PTPRM: variants seen among roughly 807,000 people sequenced by gnomAD.
The protein encoded by PTPRM is receptor-type tyrosine-protein phosphatase mu.
Under a neutral mutation model 186.7 loss-of-function variants are expected in PTPRM, and 47 were observed. The observed-to-expected ratio is 0.25, with a 90% CI of 0.20 to 0.32. The LOEUF is 0.32. PTPRM is among the 10% of genes least tolerant of loss of function. The pLI is 1.00. For synonymous variants in PTPRM, 668 were observed against 674.9 expected, an observed-to-expected ratio of 0.99 and a Z score of 0.16; for missense variants, 1,494 against 1,865.0, an observed-to-expected ratio of 0.80 and a Z score of 3.66.
At chr18:7,647,517 A>G (rs1483808253) in intron 1 of PTPRM, among the ~76,000 whole-genome samples, 1 of 152,226 alleles carries the variant, frequency 6.6e-6, no homozygotes, top group East Asian at 1.9e-4. Context: ...ATGAAGATAC[A>G]GTTTCCTACA....
At chr18:7,849,907 A>G (rs2046782553) in intron 2 of PTPRM, among the ~76,000 whole-genome samples, 1 of 152,224 alleles carries the variant, frequency 6.6e-6, no homozygotes, top group Non-Finnish European at 1.5e-5. Flanking sequence ...TTATTTTAAT[A>G]CTAGTAATCA....
intron 2 of PTPRM, among the ~76,000 whole-genome samples, chr18:7,809,558 A>C (rs1395573127): frequency 6.6e-6 from 1 of 151,898 alleles, no homozygotes; most frequent in Non-Finnish European, 1.5e-5. Flanking sequence ...CTGCCTCTGT[A>C]GCTCCTCGGT....
chr18:7,669,009 A>G (rs2039158291), intron 1 of PTPRM, among the ~76,000 whole-genome samples: 1 of 152,050 alleles, frequency 6.6e-6, no homozygotes, highest in Admixed American at 6.6e-5. Flanking sequence ...GAATGAGTGA[A>G]TGACTGAGTT....
Position 7,806,406 on chromosome 18 carries a change from T to C in PTPRM, c.196+32135T>C, listed in dbSNP as rs199909419. On this transcript the variant is annotated intron_variant, in intron 2 of 32. Transcript: ENST00000580170. ...CTAGTCAGCAGACACAGAAACAAGATTAATCAATTACAGATAATAAACACT... is the reference window on the plus strand; with the variant it reads ...CTAGTCAGCAGACACAGAAACAAGACTAATCAATTACAGATAATAAACACT... Among the ~76,000 whole-genome samples, 6 of 152,106 alleles carry C rather than the reference T, an allele frequency of 3.9e-5. No homozygotes were observed. The East Asian group carries it at 9.7e-4, about 24-fold the overall frequency.
At chr18:8,263,202 G>A (rs1313271031) in intron 19 of PTPRM, among the ~76,000 whole-genome samples, 4 of 151,914 alleles carry the variant, frequency 2.6e-5, no homozygotes, top group African/African-American at 4.8e-5. Context: ...TCCATCTGCC[G>A]GGTTCAAGAG....
chr18:8,172,265 C>CTTTT (rs869079652), intron 14 of PTPRM, among the ~76,000 whole-genome samples: 1 of 137,830 alleles, frequency 7.3e-6, no homozygotes. Context: ...AAGTCTTGAC[C>CTTTT]TTTTTTTTTT....
intron 2 of PTPRM, among the ~76,000 whole-genome samples, chr18:7,837,404 C>T (rs1175585117): frequency 6.6e-6 from 1 of 152,082 alleles, no homozygotes; most frequent in Non-Finnish European, 1.5e-5. Flanking sequence ...TGATAGAATT[C>T]TGAATTCCTT....
intron 4 of PTPRM, among the ~76,000 whole-genome samples, chr18:7,913,685 CT>C (rs1380062212): frequency 9.2e-5 from 14 of 152,088 alleles, no homozygotes; most frequent in Admixed American, 7.9e-4. Context: ...GGTGTATAAT[CT>C]TTTTTAATAT....
chr18:7,779,478 A>C (rs79173716), intron 2 of PTPRM, among the ~76,000 whole-genome samples: 1,990 of 152,324 alleles, frequency 0.013, 45 homozygotes, highest in East Asian at 0.12. Flanking sequence ...TGACCCAGAA[A>C]ATAGAAAAAT....
At chr18:8,338,066 G>A (rs183650582) in intron 22 of PTPRM, among the ~76,000 whole-genome samples, 1 of 152,196 alleles carries the variant, frequency 6.6e-6, no homozygotes, top group East Asian at 1.9e-4. Flanking sequence ...TTGTCATGGT[G>A]GCTGGGGTTT....
chr18:8,199,118 T>G (rs935637449), intron 14 of PTPRM, among the ~76,000 whole-genome samples: 2 of 152,144 alleles, frequency 1.3e-5, no homozygotes, highest in African/African-American at 4.8e-5. Context: ...TTCATAATAA[T>G]AACACTGAAA....
rs555803916 is a variant in PTPRM, at chr18:7,764,110, T to C, written c.74-10039T>C. On this transcript the variant is annotated intron_variant, in intron 1 of 32. Coordinates refer to ENST00000580170, the MANE Select transcript of PTPRM (RefSeq NM_001105244.2). ...AATTTAAGCAAAAAATTCAACACTT[T>C]GATCCAGCCGTGCTATTCTGTTGTC... 2.0e-5 allele frequency among the ~76,000 whole-genome samples: 3 copies of C among 152,318 alleles called. No homozygotes were observed. The East Asian group carries it at 5.8e-4, about 29-fold the overall frequency.
intron 2 of PTPRM, among the ~76,000 whole-genome samples, chr18:7,861,767 TGA>T (rs138096586): frequency 1.4e-3 from 201 of 146,758 alleles, no homozygotes; most frequent in Middle Eastern, 3.5e-3. Flanking sequence ...TGTGTGTGTG[TGA>T]GAGAGAGAGA....
chr18:7,882,758 C>G (rs778426620), intron 2 of PTPRM, among the ~76,000 whole-genome samples: 2 of 152,182 alleles, frequency 1.3e-5, no homozygotes, highest in Admixed American at 6.5e-5. Flanking sequence ...CTCAAATACA[C>G]TTGGAAGAGA....
In PTPRM at chr18:8,193,427, A is replaced by G. The variant is rs182018723; in HGVS notation, c.2300+49648A>G. Among the ~76,000 whole-genome samples, 42 of 152,198 alleles carry G rather than the reference A, an allele frequency of 2.8e-4. No individual in the cohort carries two copies. In the East Asian group the frequency reaches 8.0e-3, roughly 29 times the overall value. ...TCTTCTTTCCAATTTTATACTTTCC[A>G]GTATAAAAGTCAACAAAATGTCTGT... is the stretch of plus-strand genomic sequence containing the variant. On this transcript the variant is annotated intron_variant, in intron 14 of 32. Transcript: ENST00000580170.
chr18:7,836,854 T>C (rs1016773900), intron 2 of PTPRM, among the ~76,000 whole-genome samples: 3 of 152,228 alleles, frequency 2.0e-5, no homozygotes, highest in African/African-American at 7.2e-5. Flanking sequence ...AAAAGTTTGC[T>C]GCCAGATGTA....
At chr18:7,608,698 G>C (rs376486404) in intron 1 of PTPRM, among the ~76,000 whole-genome samples, 1 of 152,138 alleles carries the variant, frequency 6.6e-6, no homozygotes, top group Non-Finnish European at 1.5e-5. Context: ...CCATTCTTGC[G>C]TCCCATTCTT....
At chr18:8,048,055 T>G (rs1040134255) in intron 7 of PTPRM, among the ~76,000 whole-genome samples, 1 of 152,164 alleles carries the variant, frequency 6.6e-6, no homozygotes, top group Non-Finnish European at 1.5e-5. Flanking sequence ...ACATCTACAT[T>G]GCCTTTGTAT....
chr18:7,889,333 C>CTTTTTTTTTTTTTTTTTTT (rs770886704), intron 3 of PTPRM, among the ~76,000 whole-genome samples: 1 of 119,858 alleles, frequency 8.3e-6, no homozygotes, highest in Non-Finnish European at 1.7e-5. Flanking sequence ...TCTTTTCTTT[C>CTTTTTTTTTTTTTTTTTTT]TTTTTTTTTT....
Sources: gnomAD v4.1 joint callset for allele counts (sites outside exome capture counted in the v4.1 genomes callset) on GRCh38, gnomAD v4.1.1 for gene constraint, MANE v1.5 for transcripts, NCBI Gene and HGNC (gene_info 2026-07-23, HGNC 2026-07-21) for gene names.